SGCZ: variants seen among roughly 807,000 people sequenced by gnomAD.
SGCZ encodes zeta-sarcoglycan.
A neutral mutation model predicts 41.3 loss-of-function variants in SGCZ; 40 were observed. The observed-to-expected ratio is 0.97, with a 90% CI of 0.75 to 1.26. The LOEUF is 1.26. Among genes scored for constraint, SGCZ ranks in the 50% most tolerant of loss-of-function variants. SGCZ has a pLI of 0.00. For synonymous variants in SGCZ, 206 were observed against 137.5 expected, an observed-to-expected ratio of 1.50 and a Z score of -3.49; for missense variants, 552 against 369.8, an observed-to-expected ratio of 1.49 and a Z score of -4.04.
chr8:14,788,023 T>C (rs1800827348), intron 1 of SGCZ, among the ~76,000 whole-genome samples: 1 of 152,196 alleles, frequency 6.6e-6, no homozygotes, highest in East Asian at 1.9e-4. Flanking sequence ...GCTCTTCATT[T>C]TTTATTCCAA....
chr8:15,016,494 G>C (rs985398156), intron 1 of SGCZ, among the ~76,000 whole-genome samples: 1 of 152,124 alleles, frequency 6.6e-6, no homozygotes, highest in Non-Finnish European at 1.5e-5. Flanking sequence ...AGAGAGAAGA[G>C]ACACAAAGAA....
At chr8:14,784,077 G>GTC (rs1800675585) in intron 1 of SGCZ, among the ~76,000 whole-genome samples, 1 of 149,498 alleles carries the variant, frequency 6.7e-6, no homozygotes. Flanking sequence ...TTGAGATAGG[G>GTC]TCGCTCTCTG....
chr8:14,228,833 G>A (rs559458865), intron 4 of SGCZ, among the ~76,000 whole-genome samples: 2 of 152,096 alleles, frequency 1.3e-5, no homozygotes, highest in Admixed American at 6.6e-5. Context: ...TATTTTGTCT[G>A]GAAAAGGAAA....
At chr8:14,241,754 AG>A in intron 3 of SGCZ, among the ~76,000 whole-genome samples, 1 of 152,282 alleles carries the variant, frequency 6.6e-6, no homozygotes, top group East Asian at 1.9e-4. Flanking sequence ...GAGACTGTTA[AG>A]TGGGCCTGAG....
intron 1 of SGCZ, among the ~76,000 whole-genome samples, chr8:14,949,319 T>C (rs1445290143): frequency 6.6e-6 from 1 of 152,124 alleles, no homozygotes; most frequent in East Asian, 1.9e-4. Flanking sequence ...TTAGAAATAT[T>C]GCTGTACTTT....
intron 1 of SGCZ, among the ~76,000 whole-genome samples, chr8:15,013,248 G>A (rs535962780): frequency 6.6e-6 from 1 of 152,142 alleles, no homozygotes; most frequent in African/African-American, 2.4e-5. Flanking sequence ...ATTTCTCTCT[G>A]GCTGTACTGT....
chr8:15,075,542 T>G (rs1805499947), intron 1 of SGCZ, among the ~76,000 whole-genome samples: 1 of 152,118 alleles, frequency 6.6e-6, no homozygotes, highest in South Asian at 2.1e-4. Context: ...ATGAAACAGT[T>G]GAAGCCTAAG....
intron 4 of SGCZ, among the ~76,000 whole-genome samples, chr8:14,236,230 T>C (rs1213956668): frequency 2.0e-5 from 3 of 152,180 alleles, no homozygotes; most frequent in East Asian, 1.9e-4. Context: ...CATACACATA[T>C]CTCTTTTATT....
chr8:14,392,681 T>C (rs553038311), intron 2 of SGCZ, among the ~76,000 whole-genome samples: 1 of 152,238 alleles, frequency 6.6e-6, no homozygotes, highest in East Asian at 1.9e-4. Context: ...GAATACTATA[T>C]CCATATAAAA....
At chr8:14,309,507 G>T (rs964851754) in intron 3 of SGCZ, 68 of 1,608,818 alleles carry the variant, frequency 4.2e-5, no homozygotes, top group Non-Finnish European at 5.8e-5. Context: ...TGTGATAAGA[G>T]AGCAGTGTGG....
intron 1 of SGCZ, among the ~76,000 whole-genome samples, chr8:15,009,405 G>A (rs1232674038): frequency 6.6e-6 from 1 of 152,170 alleles, no homozygotes; most frequent in Non-Finnish European, 1.5e-5. Context: ...TCCAACGTTG[G>A]GTATTACAAT....
intron 2 of SGCZ, among the ~76,000 whole-genome samples, chr8:14,453,619 G>C (rs1800660898): frequency 6.6e-6 from 1 of 152,138 alleles, no homozygotes; most frequent in African/African-American, 2.4e-5. Context: ...AAGAATCTTA[G>C]GAGGGAAACT....
intron 1 of SGCZ, among the ~76,000 whole-genome samples, chr8:15,032,291 A>T (rs1222386735): frequency 6.6e-6 from 1 of 152,188 alleles, no homozygotes; most frequent in Non-Finnish European, 1.5e-5. Flanking sequence ...GCAAAGAAAT[A>T]AAAAAGAAAT....
At chr8:14,723,105 G>C (rs1405992064) in intron 1 of SGCZ, among the ~76,000 whole-genome samples, 2 of 152,142 alleles carry the variant, frequency 1.3e-5, no homozygotes, top group African/African-American at 4.8e-5. Flanking sequence ...TCAAAAATAA[G>C]ATCACGGGAT....
intron 1 of SGCZ, among the ~76,000 whole-genome samples, chr8:15,155,878 C>A (rs775820355): frequency 6.6e-6 from 1 of 151,796 alleles, no homozygotes; most frequent in Non-Finnish European, 1.5e-5. Context: ...GACAACATGG[C>A]GAAACTCTGT....
At chr8:14,167,132 T>A (rs1411580383) in intron 4 of SGCZ, among the ~76,000 whole-genome samples, 1 of 152,170 alleles carries the variant, frequency 6.6e-6, no homozygotes, top group Non-Finnish European at 1.5e-5. Flanking sequence ...GAAAATGATA[T>A]GTTCTTGGGG....
chr8:14,978,812 G>C (rs995559868), intron 1 of SGCZ, among the ~76,000 whole-genome samples: 6 of 151,928 alleles, frequency 3.9e-5, no homozygotes, highest in Non-Finnish European at 8.8e-5. Context: ...GTTTTGTTTT[G>C]TTTTGAGATG....
chr8:14,630,120 T>A (rs1326387032), intron 1 of SGCZ, among the ~76,000 whole-genome samples: 2 of 152,186 alleles, frequency 1.3e-5, no homozygotes, highest in African/African-American at 4.8e-5. Context: ...GCCTCATCCC[T>A]TATTTACTTC....
chr8:14,842,989 G>T (rs1802977776), intron 1 of SGCZ, among the ~76,000 whole-genome samples: 1 of 152,186 alleles, frequency 6.6e-6, no homozygotes, highest in Non-Finnish European at 1.5e-5. Flanking sequence ...AAGGCGAGCG[G>T]ATCTCCTGAG....
Sources: gnomAD v4.1 joint callset for allele counts (sites outside exome capture counted in the v4.1 genomes callset) on GRCh38, gnomAD v4.1.1 for gene constraint, MANE v1.5 for transcripts, NCBI Gene and HGNC (gene_info 2026-07-23, HGNC 2026-07-21) for gene names.